FAM110B: variants seen among roughly 807,000 people sequenced by gnomAD.
FAM110B encodes the protein family with sequence similarity 110 member B, also known as protein FAM110B.
Under a neutral mutation model 20.4 loss-of-function variants are expected in FAM110B, and 6 were observed. The ratio of observed to expected loss-of-function variants is 0.29; its 90% CI spans 0.16 to 0.58. The LOEUF (loss-of-function observed/expected upper bound fraction) is 0.58, where lower values mean the gene tolerates loss of function less well. Among genes scored for constraint, FAM110B ranks in the 20% least tolerant of loss-of-function variants. FAM110B has a pLI of 0.90. For missense variants in FAM110B, 434 were observed against 498.2 expected (o/e 0.87, Z 1.23); for synonymous variants, 226 against 214.1 (o/e 1.06, Z -0.49).
At chr8:58,029,511 ATGT>A (rs1410168364) in intron 1 of FAM110B, among the ~76,000 whole-genome samples, 3 of 152,104 alleles carry the variant, frequency 2.0e-5, no homozygotes, top group Non-Finnish European at 4.4e-5. Context: ...TTGACTCGTG[ATGT>A]TGTAATCATG....
intron 1 of FAM110B, among the ~76,000 whole-genome samples, chr8:58,013,050 C>T (rs1161141822): frequency 2.6e-5 from 4 of 152,158 alleles, no homozygotes; most frequent in Non-Finnish European, 4.4e-5. Context: ...CTGTCAAATC[C>T]TCCTTCCCCC....
At chr8:58,088,570 ATT>A (rs1337755015) in intron 3 of FAM110B, among the ~76,000 whole-genome samples, 1 of 152,176 alleles carries the variant, frequency 6.6e-6, no homozygotes, top group African/African-American at 2.4e-5. Flanking sequence ...ACCAAATTAT[ATT>A]TCTCTCATTC....
intron 1 of FAM110B, among the ~76,000 whole-genome samples, chr8:58,009,059 C>T (rs1479936589): frequency 6.6e-6 from 1 of 152,208 alleles, no homozygotes; most frequent in Non-Finnish European, 1.5e-5. Flanking sequence ...CTTTATGATG[C>T]TCAAGTAACT....
intron 3 of FAM110B, among the ~76,000 whole-genome samples, chr8:58,144,176 C>T (rs545807425): frequency 2.0e-5 from 3 of 152,116 alleles, no homozygotes; most frequent in African/African-American, 7.2e-5. Context: ...CACTGTGCCC[C>T]CAAACTTTCT....
intron 2 of FAM110B, among the ~76,000 whole-genome samples, chr8:58,068,604 A>T (rs1201849540): frequency 1.3e-5 from 2 of 152,160 alleles, no homozygotes; most frequent in African/African-American, 4.8e-5. Flanking sequence ...AAAATAAAAA[A>T]AAAAAAAACT....
chr8:58,025,755 A>G (rs548199953), intron 1 of FAM110B, among the ~76,000 whole-genome samples: 51 of 152,258 alleles, frequency 3.3e-4, no homozygotes, highest in Non-Finnish European at 6.2e-4. Context: ...CAGATTTGAG[A>G]TTGTTCAATT....
intron 3 of FAM110B, among the ~76,000 whole-genome samples, chr8:58,109,937 A>G (rs1807021155): frequency 6.6e-6 from 1 of 152,194 alleles, no homozygotes; most frequent in Non-Finnish European, 1.5e-5. Flanking sequence ...TGGCTCAGCG[A>G]CAGGGACAAA....
chr8:58,022,516 G>A (rs543907101), intron 1 of FAM110B, among the ~76,000 whole-genome samples: 3 of 151,648 alleles, frequency 2.0e-5, no homozygotes, highest in East Asian at 1.9e-4. Context: ...TGGTTAAGAT[G>A]GTCAATTTTA....
At chr8:58,112,010 A>C (rs941560093) in intron 3 of FAM110B, among the ~76,000 whole-genome samples, 8 of 152,208 alleles carry the variant, frequency 5.3e-5, no homozygotes, top group African/African-American at 1.9e-4. Context: ...GTTTACAATT[A>C]TAACAATATT....
chr8:58,006,924 T>TATATATATATATATATATATA (rs6150600), intron 1 of FAM110B, among the ~76,000 whole-genome samples: 151 of 110,864 alleles, frequency 1.4e-3, no homozygotes, highest in Non-Finnish European at 1.9e-3. Context: ...TATATATATA[T>TATATATATATATATATATATA]TTTTCCAAAA....
chr8:58,081,754 G>A (rs1806198759), intron 3 of FAM110B, among the ~76,000 whole-genome samples: 1 of 151,672 alleles, frequency 6.6e-6, no homozygotes, highest in Non-Finnish European at 1.5e-5. Context: ...TTCCTTTAGT[G>A]CCCGTTTCAA....
At chr8:58,066,958 A>T (rs1805781690) in intron 2 of FAM110B, among the ~76,000 whole-genome samples, 1 of 152,170 alleles carries the variant, frequency 6.6e-6, no homozygotes, top group African/African-American at 2.4e-5. Flanking sequence ...GGTGCTGTTC[A>T]TCAGAGCAGA....
intron 1 of FAM110B, among the ~76,000 whole-genome samples, chr8:57,995,451 A>G (rs765929836): frequency 1.3e-5 from 2 of 152,134 alleles, no homozygotes; most frequent in Non-Finnish European, 2.9e-5. Context: ...ACAGATTTGA[A>G]ATAGAATTAA....
At chr8:57,999,808 T>C (rs1389589256) in intron 1 of FAM110B, among the ~76,000 whole-genome samples, 3 of 152,128 alleles carry the variant, frequency 2.0e-5, no homozygotes, top group African/African-American at 7.2e-5. Flanking sequence ...GGGCCACTTT[T>C]CCATCTGGGC....
At chr8:58,014,314 A>C (rs1036269322) in intron 1 of FAM110B, among the ~76,000 whole-genome samples, 1 of 152,092 alleles carries the variant, frequency 6.6e-6, no homozygotes, top group African/African-American at 2.4e-5. Context: ...TGCTTTGTCA[A>C]CTGTAGCACA....
At chr8:58,082,847 GT>G (rs57216749) in intron 3 of FAM110B, among the ~76,000 whole-genome samples, 8,648 of 135,378 alleles carry the variant, frequency 0.064, 368 homozygotes, top group African/African-American at 0.13. Flanking sequence ...GTTTTTTTTT[GT>G]TTTTTTTTTT....
chr8:58,073,409 T>C (rs1345954071), intron 2 of FAM110B, among the ~76,000 whole-genome samples: 1 of 152,182 alleles, frequency 6.6e-6, no homozygotes, highest in Non-Finnish European at 1.5e-5. Flanking sequence ...CTGCCCATCT[T>C]GACATCACCT....
At chr8:58,005,832 A>G (rs1346842904) in intron 1 of FAM110B, among the ~76,000 whole-genome samples, 1 of 152,076 alleles carries the variant, frequency 6.6e-6, no homozygotes, top group East Asian at 1.9e-4. Flanking sequence ...ATTCCTATTT[A>G]CTCTTCAGAT....
At chr8:58,035,582 C>T (rs192173032) in intron 2 of FAM110B, among the ~76,000 whole-genome samples, 3 of 152,270 alleles carry the variant, frequency 2.0e-5, no homozygotes, top group Admixed American at 2.0e-4. Flanking sequence ...GAGACCTGTC[C>T]TGTTATCTTA....
Sources: allele counts gnomAD v4.1 joint callset (sites outside exome capture counted in the v4.1 genomes callset), GRCh38; gene constraint gnomAD v4.1.1; transcripts MANE v1.5; gene names NCBI Gene and HGNC (gene_info 2026-07-23, HGNC 2026-07-21).